KRT78: variants seen among roughly 807,000 people sequenced by gnomAD.
The protein encoded by KRT78 is keratin, type II cytoskeletal 78.
A neutral mutation model predicts 51.4 loss-of-function variants in KRT78; 55 were observed. The observed-to-expected ratio is 1.07, with a 90% CI of 0.86 to 1.34. KRT78 has a LOEUF of 1.34. Among genes scored for constraint, KRT78 ranks in the 40% most tolerant of loss-of-function variants. KRT78 has a pLI of 0.00. For missense variants in KRT78, 652 were observed against 649.4 expected (o/e 1.00, Z -0.04); for synonymous variants, 291 against 264.3 (o/e 1.10, Z -0.98).
intron 4 of KRT78, chr12:52,845,952 CA>C (rs71755479): frequency 0.23 from 84,391 of 365,376 alleles, 1,066 homozygotes; most frequent in Admixed American, 0.27. Flanking sequence ...GATTCCATCT[CA>C]AAAAAAAAAA....
intron 7 of KRT78, 116 bp from the exon 8 acceptor site, chr12:52,839,603 C>G: frequency 7.6e-7 from 1 of 1,309,680 alleles, no homozygotes; most frequent in East Asian, 2.5e-5. Flanking sequence ...ATAAAATCCA[C>G]AGTCTCCAAC....
intron 6 of KRT78, among the ~76,000 whole-genome samples, chr12:52,842,917 AGAAAGAAAG>A (rs1399539454): frequency 2.0e-5 from 3 of 148,084 alleles, no homozygotes; most frequent in African/African-American, 7.5e-5. Flanking sequence ...ACTCCATGAA[AGAAAGAAAG>A]GAAAGAAAGA....
Position 52,848,825 on chromosome 12 carries a change from A to G in KRT78, c.106T>C (p.Phe36Leu). 1 of 1,608,806 alleles carries G rather than the reference A, an allele frequency of 6.2e-7. No individual in the cohort carries two copies. The highest frequency in any genetic ancestry group is 1.3e-5 in the African/African-American group (1 of 74,898). The change falls in exon 1 of 9, where the codon TTC becomes CTC. Residue 36 changes from phenylalanine (F) to leucine (L), a missense_variant. Transcript: ENST00000304620. ...AAGGAATTAAGGCTCCTGCTGCTGA[A>G]GCCGCCCCTGCTGCTGAAGCCTCCC... ...SRGGFSSRGG[F>L]SSRSLNSFGG...
chr12:52,838,759 T>C lies in KRT78; in HGVS notation c.*354A>G. 7.3e-6 allele frequency: 2 copies of C among 274,686 alleles called. No homozygotes were observed. The highest frequency in any genetic ancestry group is 8.2e-5 in the East Asian group (1 of 12,252). The allele number at this position is 274,686 out of a possible 1,614,324, so 17.0% of individuals were successfully genotyped here. On this transcript the variant is annotated 3_prime_UTR_variant, in exon 9 of 9. Transcript: ENST00000304620. Reference sequence around the variant, plus strand: ...AAGCACAGCTAAAACATCAGTGGAGTTGTGGGAGATGGAGGGCACCCCAAG... The same window carrying C: ...AAGCACAGCTAAAACATCAGTGGAGCTGTGGGAGATGGAGGGCACCCCAAG...
intron 4 of KRT78, among the ~76,000 whole-genome samples, chr12:52,845,246 T>G (rs1445440917): frequency 6.6e-6 from 1 of 152,108 alleles, no homozygotes; most frequent in Admixed American, 6.5e-5. Context: ...CCTCAGGTGA[T>G]CCACCTGCCT....
At chr12:52,848,378 C>A in intron 1 of KRT78, 169 bp downstream of exon 1, 1 of 1,395,150 alleles carries the variant, frequency 7.2e-7, no homozygotes, top group South Asian at 1.3e-5. Context: ...AACAACAGGG[C>A]CTCAGCATAG....
chr12:52,844,613 G>C lies in KRT78; in HGVS notation c.867C>G (p.Tyr289Ter). 1 of 1,614,114 alleles carries C rather than the reference G, an allele frequency of 6.2e-7. No homozygotes were observed. ...SSIITEVRAR[Y>*]EEIARSSKAE... ...CCTTGCTGCTCCGGGCGATCTCCTC[G>C]TACCGGGCGCGGACCTCAGTGATGA... Residue 289 changes from tyrosine to a stop codon, truncating the protein, a stop_gained, in exon 5 of 9, where the codon TAC (tyrosine) becomes TAG (stop). Transcript: ENST00000304620. LOFTEE classifies it high-confidence loss of function.
chr12:52,841,176 A>G (rs777160275), intron 6 of KRT78, among the ~76,000 whole-genome samples: 18 of 152,138 alleles, frequency 1.2e-4, no homozygotes, highest in Non-Finnish European at 2.5e-4. Context: ...ATATGCCTCA[A>G]TTTGGGACTT....
At chr12:52,848,243 T>C in intron 1 of KRT78, 122 bp from the exon 2 acceptor site, 1 of 1,543,156 alleles carries the variant, frequency 6.5e-7, no homozygotes, top group Non-Finnish European at 8.7e-7. Flanking sequence ...CTGCCCAACC[T>C]GGGCAGGGGA....
intron 2 of KRT78, 101 bp downstream of exon 2, chr12:52,847,806 C>G: frequency 9.9e-7 from 1 of 1,006,800 alleles, no homozygotes; most frequent in South Asian, 1.5e-5. Context: ...AGTCATGTGC[C>G]TCTGGGTGCT....
At position 52,844,201 on chromosome 12, in the gene KRT78, C is replaced by G; in HGVS notation, c.939G>C (p.Val313=). 6.2e-7 allele frequency: 1 copy of G among 1,603,136 alleles called. No individual in the cohort carries two copies. Among genetic ancestry groups the G allele is most frequent in the Admixed American group, 1.8e-5 (1 of 55,780 alleles). ...LYQTKYQELQ[V]SAQLHGDRMQ... is the part of the protein sequence containing the mutation. ...TCCTGTCCCCATGAAGCTGGGCAGA[C>G]ACCTGAAGTTCCTGGTACTGAGAGG... Residue 313 remains valine, a synonymous_variant, in exon 6 of 9, where the codon GTG becomes GTC. Coordinates refer to ENST00000304620, the MANE Select transcript of KRT78 (RefSeq NM_173352.4).
At chr12:52,843,006 G>T (rs1328931568) in intron 6 of KRT78, among the ~76,000 whole-genome samples, 66 of 96,554 alleles carry the variant, frequency 6.8e-4, no homozygotes, top group African/African-American at 2.4e-3. Context: ...AGGAAGGAAG[G>T]AAGGAGGGAG....
chr12:52,840,386 C>A (rs2120387536), intron 6 of KRT78, among the ~76,000 whole-genome samples: 1 of 152,094 alleles, frequency 6.6e-6, no homozygotes, highest in East Asian at 1.9e-4. Flanking sequence ...CAGAGACAGA[C>A]ACAGAGAGAA....
In KRT78 at chr12:52,838,810, C is replaced by T. The variant is rs1352456106; in HGVS notation, c.*303G>A. On this transcript the variant is annotated 3_prime_UTR_variant, in exon 9 of 9. Transcript: ENST00000304620. The stretch of plus-strand genomic sequence containing the variant: ...GAACACACTGGAGAGCTTGAAGGAT[C>T]CCTTGATAGAGTGGCTGGGATGTGG... 1 of 421,780 alleles carries T rather than the reference C, an allele frequency of 2.4e-6. No individual in the cohort carries two copies. The highest frequency in any genetic ancestry group is 4.3e-6 in the Non-Finnish European group (1 of 231,812). The allele number at this position is 421,780 out of a possible 1,614,324, so 26.1% of individuals were successfully genotyped here.
At chr12:52,846,313 A>G (rs1940642145) in intron 3 of KRT78, 21 bp from the exon 4 acceptor site, 2 of 1,457,014 alleles carry the variant, frequency 1.4e-6, no homozygotes, top group African/African-American at 2.8e-5. Flanking sequence ...GGGGAGAGAG[A>G]ACACGTAACC....
chr12:52,846,300 C>G lies in KRT78; in HGVS notation c.661-8G>C. The stretch of plus-strand genomic sequence containing the variant: ...GAAAACCCCATCCACATCCTGGAGA[C>G]AAGGGGAGAGAGAACACGTAACCCC... On this transcript the variant is annotated splice_polypyrimidine_tract_variant and splice_region_variant and intron_variant, in intron 3 of 8. Transcript: ENST00000304620. 2 of 1,584,212 alleles carry G rather than the reference C, an allele frequency of 1.3e-6. No homozygotes were observed. Among genetic ancestry groups the G allele is most frequent in the Non-Finnish European group, 1.7e-6 (2 of 1,153,046 alleles).
chr12:52,848,143 C>A, intron 1 of KRT78, 22 bp from the exon 2 acceptor site: 1 of 1,610,558 alleles, frequency 6.2e-7, no homozygotes, highest in East Asian at 2.2e-5. Context: ...GCAGAGGATC[C>A]CTGAGGCTCC....
In KRT78 at chr12:52,839,023, T is replaced by TGGGCAGC. The variant is rs1940409605; in HGVS notation, c.*83_*89dup. ...ATCCGCTGTGGGCTGGCTTGGGCTG[T>TGGGCAGC]GGGCAGCGGACACGGAGTTGGCCTT... is the stretch of plus-strand genomic sequence containing the variant. On this transcript the variant is annotated 3_prime_UTR_variant, in exon 9 of 9. Transcript: ENST00000304620. The TGGGCAGC allele has an allele frequency of 1.4e-6, 2 of 1,469,170 alleles. No individual in the cohort carries two copies. Among genetic ancestry groups the TGGGCAGC allele is most frequent in the African/African-American group, 1.4e-5 (1 of 72,236 alleles). The allele number at this position is 1,469,170 out of a possible 1,614,324, so 91.0% of individuals were successfully genotyped here.
intron 6 of KRT78, among the ~76,000 whole-genome samples, chr12:52,842,960 A>AGAGAGAAG (rs1306405944): frequency 4.6e-5 from 1 of 21,932 alleles, no homozygotes; most frequent in Non-Finnish European, 7.8e-5. Context: ...AGAGAGAGAG[A>AGAGAGAAG]GGAAGGAAGG....
Sources: allele counts gnomAD v4.1 joint callset (sites outside exome capture counted in the v4.1 genomes callset), GRCh38; gene constraint gnomAD v4.1.1; transcripts MANE v1.5; gene names NCBI Gene and HGNC (gene_info 2026-07-23, HGNC 2026-07-21).